The following FBXO34 variants were observed in gnomAD, a reference collection of about 807,000 sequenced individuals.
The protein encoded by FBXO34 is F-box protein 34.
Under a neutral mutation model 24.5 loss-of-function variants are expected in FBXO34, and 12 were observed. The ratio of observed to expected loss-of-function variants is 0.49; its 90% CI spans 0.31 to 0.79. The LOEUF is 0.79. FBXO34 is among the 30% of genes least tolerant of loss of function. The pLI, the probability that FBXO34 is intolerant of heterozygous loss-of-function variation, is 0.04. For missense variants in FBXO34, 823 were observed against 857.7 expected (o/e 0.96, Z 0.51); for synonymous variants, 320 against 311.9 (o/e 1.03, Z -0.27).
chr14:55,390,849 A>G, the FBXO34 span: 1 of 1,156,448 alleles, frequency 8.6e-7, no homozygotes, highest in South Asian at 1.4e-5. Flanking sequence ...CTAGTTTATT[A>G]ATCCCATGAA....
the FBXO34 span, among the ~76,000 whole-genome samples, chr14:55,390,379 T>A: frequency 1.5e-4 from 23 of 151,856 alleles, no homozygotes; most frequent in African/African-American, 4.4e-4. Flanking sequence ...CCAACTTTTT[T>A]ATTTTTTTCT....
intron 1 of FBXO34, among the ~76,000 whole-genome samples, chr14:55,283,271 A>G (rs1367165635): frequency 8.0e-6 from 1 of 125,638 alleles, no homozygotes; most frequent in East Asian, 2.2e-4. Flanking sequence ...TTAGATTGAT[A>G]AAAAGCTAAA....
intron 1 of FBXO34, among the ~76,000 whole-genome samples, chr14:55,312,520 C>T (rs1229198463): frequency 2.0e-5 from 3 of 152,240 alleles, no homozygotes; most frequent in Non-Finnish European, 4.4e-5. Context: ...TTCCCTTCCG[C>T]ACTGCCCTAG....
At chr14:55,322,171 G>A (rs1416773078) in intron 1 of FBXO34, among the ~76,000 whole-genome samples, 1 of 152,038 alleles carries the variant, frequency 6.6e-6, no homozygotes, top group African/African-American at 2.4e-5. Flanking sequence ...TTAGCTGGGC[G>A]TGGTGGCGGG....
chr14:55,326,805 A>G (rs1883356129), intron 1 of FBXO34, among the ~76,000 whole-genome samples: 1 of 152,232 alleles, frequency 6.6e-6, no homozygotes, highest in African/African-American at 2.4e-5. Flanking sequence ...AAAACTCTCA[A>G]TAATACAAAC....
chr14:55,287,750 C>T (rs1012082186), intron 1 of FBXO34, among the ~76,000 whole-genome samples: 6 of 152,180 alleles, frequency 3.9e-5, no homozygotes, highest in African/African-American at 1.4e-4. Flanking sequence ...AATATTTCCG[C>T]CAGAGTCACT....
chr14:55,432,960 C>T, the FBXO34 span, among the ~76,000 whole-genome samples: 2 of 152,098 alleles, frequency 1.3e-5, no homozygotes, highest in Non-Finnish European at 2.9e-5. Flanking sequence ...AAGTTCTATC[C>T]ATTTATCTGC....
At chr14:55,438,072 A>G in the FBXO34 span, among the ~76,000 whole-genome samples, 2 of 152,190 alleles carry the variant, frequency 1.3e-5, no homozygotes, top group Admixed American at 1.3e-4. Context: ...TAAATGCATT[A>G]CCACCTGCTT....
At chr14:55,323,498 T>A (rs1433606723) in intron 1 of FBXO34, among the ~76,000 whole-genome samples, 2 of 151,872 alleles carry the variant, frequency 1.3e-5, no homozygotes, top group Admixed American at 1.3e-4. Context: ...TTCTCCTGCC[T>A]CAGCCTCCCG....
At chr14:55,309,988 C>T (rs1422912250) in intron 1 of FBXO34, among the ~76,000 whole-genome samples, 1 of 152,072 alleles carries the variant, frequency 6.6e-6, no homozygotes, top group East Asian at 1.9e-4. Flanking sequence ...GCAGCTATTC[C>T]CAGGAGAAGA....
At chr14:55,382,149 G>C in the FBXO34 span, 23 of 1,614,134 alleles carry the variant, frequency 1.4e-5, no homozygotes, top group Non-Finnish European at 1.9e-5. Flanking sequence ...CAGTGCTGGA[G>C]GTCATGGCAC....
intron 1 of FBXO34, among the ~76,000 whole-genome samples, chr14:55,347,859 A>T (rs1884209598): frequency 1.3e-5 from 2 of 152,356 alleles, no homozygotes; most frequent in South Asian, 4.1e-4. Context: ...TAAAGTTTAA[A>T]TTTATTCATA....
chr14:55,318,443 T>A (rs1258925532), intron 1 of FBXO34, among the ~76,000 whole-genome samples: 2 of 115,076 alleles, frequency 1.7e-5, no homozygotes, highest in South Asian at 2.9e-4. Flanking sequence ...TTTTTTTTTT[T>A]ACTGATTCTG....
At chr14:55,424,952 A>G in the FBXO34 span, among the ~76,000 whole-genome samples, 1 of 152,218 alleles carries the variant, frequency 6.6e-6, no homozygotes, top group Admixed American at 6.5e-5. Flanking sequence ...AGGAAGTGAG[A>G]GGAGGTGAAT....
the FBXO34 span, chr14:55,440,375 G>A: frequency 6.2e-7 from 1 of 1,612,852 alleles, no homozygotes; most frequent in Non-Finnish European, 8.5e-7. Context: ...CCTGACTCTG[G>A]GACAGTGGCG....
chr14:55,336,257 T>A (rs1346568075), intron 1 of FBXO34, among the ~76,000 whole-genome samples: 1 of 152,224 alleles, frequency 6.6e-6, no homozygotes, highest in Non-Finnish European at 1.5e-5. Flanking sequence ...TTTTAAAAAT[T>A]GCTTTCTGAT....
At chr14:55,358,533 G>A (rs1421289765), downstream of FBXO34, among the ~76,000 whole-genome samples, 4 of 152,186 alleles carry the variant, frequency 2.6e-5, no homozygotes, top group Non-Finnish European at 5.9e-5. Flanking sequence ...GGGAAGGGCT[G>A]GAGGTCCTGA....
the FBXO34 span, among the ~76,000 whole-genome samples, chr14:55,398,928 G>C: frequency 2.6e-5 from 4 of 152,080 alleles, no homozygotes; most frequent in African/African-American, 9.7e-5. Flanking sequence ...CCATTTTCAA[G>C]GGAACAGGGA....
At chr14:55,409,534 A>G in the FBXO34 span, among the ~76,000 whole-genome samples, 10 of 151,486 alleles carry the variant, frequency 6.6e-5, no homozygotes, top group African/African-American at 2.2e-4. Flanking sequence ...GAAGGATCAG[A>G]AAGAGTCTAA....
Sources: allele counts gnomAD v4.1 joint callset (sites outside exome capture counted in the v4.1 genomes callset), GRCh38; gene constraint gnomAD v4.1.1; transcripts MANE v1.5; gene names NCBI Gene and HGNC (gene_info 2026-07-23, HGNC 2026-07-21).